Variants in SLC35F3 observed in about 807,000 individuals in gnomAD.
SLC35F3 encodes solute carrier family 35 member F3.
Under a neutral mutation model 49.9 loss-of-function variants are expected in SLC35F3, and 25 were observed. The observed-to-expected ratio is 0.50, with a 90% confidence interval of 0.37 to 0.70. SLC35F3 has a LOEUF of 0.70. SLC35F3 is among the 30% of genes least tolerant of loss of function. The pLI, the probability that SLC35F3 is intolerant of heterozygous loss-of-function variation, is 0.00. For missense variants in SLC35F3, 525 were observed against 639.8 expected, an observed-to-expected ratio of 0.82 and a Z score of 1.94; for synonymous variants, 275 against 265.4, an observed-to-expected ratio of 1.04 and a Z score of -0.35.
intron 2 of SLC35F3, among the ~76,000 whole-genome samples, chr1:233,910,452 T>G (rs1661855923): frequency 6.6e-6 from 1 of 152,214 alleles, no homozygotes; most frequent in South Asian, 2.1e-4. Flanking sequence ...TTATTTTCAT[T>G]TATTCATTTA....
chr1:234,268,208 C>T (rs1668031879), intron 3 of SLC35F3, among the ~76,000 whole-genome samples: 1 of 152,210 alleles, frequency 6.6e-6, no homozygotes, highest in Non-Finnish European at 1.5e-5. Flanking sequence ...ATCCCGGCAC[C>T]TCGGGAGGCC....
intron 2 of SLC35F3, among the ~76,000 whole-genome samples, chr1:234,158,182 C>T (rs184396449): frequency 1.2e-4 from 18 of 152,240 alleles, no homozygotes; most frequent in East Asian, 1.2e-3. Flanking sequence ...TTCTCCATTC[C>T]GTTAAATCGT....
At chr1:233,997,976 T>C (rs1196776066) in intron 2 of SLC35F3, among the ~76,000 whole-genome samples, 1 of 152,142 alleles carries the variant, frequency 6.6e-6, no homozygotes, top group African/African-American at 2.4e-5. Flanking sequence ...GGTCTCGAAC[T>C]CCTGACCTCA....
intron 2 of SLC35F3, among the ~76,000 whole-genome samples, chr1:234,116,806 G>A (rs1366507468): frequency 6.6e-6 from 1 of 152,086 alleles, no homozygotes. Context: ...GAGCCACCGC[G>A]CCCAGCCTAG....
At chr1:234,166,759 A>G (rs1666326693) in intron 2 of SLC35F3, among the ~76,000 whole-genome samples, 1 of 152,234 alleles carries the variant, frequency 6.6e-6, no homozygotes, top group African/African-American at 2.4e-5. Flanking sequence ...CTCTCGAACC[A>G]TTCTGGATGC....
At chr1:234,009,836 T>C (rs1663688828) in intron 2 of SLC35F3, among the ~76,000 whole-genome samples, 1 of 151,768 alleles carries the variant, frequency 6.6e-6, no homozygotes, top group African/African-American at 2.4e-5. Context: ...CAAGAGAGAG[T>C]GGGATGTTAT....
chr1:233,970,136 ACAGCCTGACC>A (rs918219510), intron 2 of SLC35F3, among the ~76,000 whole-genome samples: 1 of 152,222 alleles, frequency 6.6e-6, no homozygotes, highest in African/African-American at 2.4e-5. Flanking sequence ...GGCCTCTGCC[ACAGCCTGACC>A]CAGCCTTATG....
At chr1:234,256,219 AATG>A in intron 3 of SLC35F3, among the ~76,000 whole-genome samples, 1 of 152,358 alleles carries the variant, frequency 6.6e-6, no homozygotes, top group East Asian at 1.9e-4. Context: ...TTACCAATGC[AATG>A]ATGAATTATT....
intron 2 of SLC35F3, among the ~76,000 whole-genome samples, chr1:234,017,997 C>T (rs1663829859): frequency 6.6e-6 from 1 of 151,330 alleles, no homozygotes; most frequent in South Asian, 2.1e-4. Flanking sequence ...AAAAAAAAAA[C>T]TCCACAAAAA....
intron 2 of SLC35F3, among the ~76,000 whole-genome samples, chr1:233,962,232 T>A (rs560416845): frequency 6.6e-5 from 10 of 152,252 alleles, no homozygotes; most frequent in Non-Finnish European, 1.3e-4. Flanking sequence ...GTATGTTTGC[T>A]TAACTTTGAC....
chr1:234,082,160 T>C (rs538993816), intron 2 of SLC35F3, among the ~76,000 whole-genome samples: 4 of 152,102 alleles, frequency 2.6e-5, no homozygotes, highest in Non-Finnish European at 4.4e-5. Context: ...ATAATTCATG[T>C]CTGCCAGCAG....
chr1:234,131,516 A>C (rs1665736431), intron 2 of SLC35F3, among the ~76,000 whole-genome samples: 2 of 152,022 alleles, frequency 1.3e-5, no homozygotes, highest in South Asian at 4.2e-4. Context: ...ATTTATGTAC[A>C]CGGTGTTGCT....
chr1:234,254,775 A>G (rs1409557551), intron 3 of SLC35F3, among the ~76,000 whole-genome samples: 1 of 152,228 alleles, frequency 6.6e-6, no homozygotes, highest in African/African-American at 2.4e-5. Flanking sequence ...ACCAGTTTGT[A>G]AGCACTTAAT....
chr1:234,185,590 CTG>C (rs1408775468), intron 2 of SLC35F3, among the ~76,000 whole-genome samples: 1 of 152,212 alleles, frequency 6.6e-6, no homozygotes, highest in African/African-American at 2.4e-5. Flanking sequence ...CCAGTGACCT[CTG>C]TCCTGGATGC....
intron 2 of SLC35F3, among the ~76,000 whole-genome samples, chr1:233,932,349 A>G (rs1289793582): frequency 6.6e-6 from 1 of 152,160 alleles, no homozygotes; most frequent in Admixed American, 6.6e-5. Context: ...GCATAAACAA[A>G]TCTGTGTATA....
intron 2 of SLC35F3, among the ~76,000 whole-genome samples, chr1:234,111,401 C>T (rs186814730): frequency 1.3e-5 from 2 of 152,308 alleles, no homozygotes; most frequent in Non-Finnish European, 2.9e-5. Flanking sequence ...AAGCGATTCT[C>T]CTGCCTCAGC....
chr1:234,062,884 T>G (rs1664565360), intron 2 of SLC35F3, among the ~76,000 whole-genome samples: 1 of 148,434 alleles, frequency 6.7e-6, no homozygotes, highest in Non-Finnish European at 1.5e-5. Context: ...AGAGACGTGG[T>G]TTCACCGTGT....
intron 6 of SLC35F3, among the ~76,000 whole-genome samples, chr1:234,319,375 A>G: frequency 6.6e-6 from 1 of 152,208 alleles, no homozygotes; most frequent in East Asian, 1.9e-4. Context: ...CAGGAATGCA[A>G]CCAAGGACAT....
At chr1:234,296,527 G>T (rs1668596134) in intron 3 of SLC35F3, among the ~76,000 whole-genome samples, 1 of 152,220 alleles carries the variant, frequency 6.6e-6, no homozygotes, top group Admixed American at 6.5e-5. Context: ...TGCTTCACTT[G>T]CCATCTTAGT....
Sources: allele counts gnomAD v4.1 joint callset (sites outside exome capture counted in the v4.1 genomes callset), GRCh38; gene constraint gnomAD v4.1.1; transcripts MANE v1.5; gene names NCBI Gene and HGNC (gene_info 2026-07-23, HGNC 2026-07-21).